Variants in DOCK8 observed in about 807,000 individuals in gnomAD.
The protein encoded by DOCK8 is dedicator of cytokinesis 8, also known as dedicator of cytokinesis protein 8.
In DOCK8, 141 loss-of-function variants were observed where a neutral mutation model predicts 245.6. The observed-to-expected ratio is 0.57, with a 90% confidence interval of 0.50 to 0.66. The LOEUF is 0.66. Ranked by LOEUF, DOCK8 falls within the 30% of genes least tolerant of loss-of-function variation. DOCK8 has a pLI of 0.00. For synonymous variants in DOCK8, 1,168 were observed against 970.2 expected (o/e 1.20, Z -3.79); for missense variants, 2,965 against 2,603.4 (o/e 1.14, Z -3.02).
chr9:347,920 C>T (rs2051983610), intron 14 of DOCK8, among the ~76,000 whole-genome samples: 1 of 152,204 alleles, frequency 6.6e-6, no homozygotes, highest in South Asian at 2.1e-4. Context: ...TAGATTCAGA[C>T]ACACGACTAC....
intron 14 of DOCK8, among the ~76,000 whole-genome samples, chr9:362,511 C>T (rs535929678): frequency 1.4e-4 from 22 of 152,344 alleles, no homozygotes; most frequent in African/African-American, 5.3e-4. Flanking sequence ...CCCTGTAGGT[C>T]ATCCCTGCAA....
intron 46 of DOCK8, among the ~76,000 whole-genome samples, chr9:461,968 CTT>C (rs375510970): frequency 7.0e-6 from 1 of 143,866 alleles, no homozygotes; most frequent in Admixed American, 6.9e-5. Context: ...TATTTATTTT[CTT>C]TTTTTTTTTC....
chr9:399,433 A>T (rs896588514), intron 26 of DOCK8, among the ~76,000 whole-genome samples, 174 bp downstream of exon 26: 1 of 152,084 alleles, frequency 6.6e-6, no homozygotes, highest in Non-Finnish European at 1.5e-5. Context: ...TTCCTCAGAC[A>T]TGCTGGTTTA....
At chr9:463,396 T>A in intron 46 of DOCK8, 121 bp from the exon 47 acceptor site, 1 of 1,195,332 alleles carries the variant, frequency 8.4e-7, no homozygotes, top group Admixed American at 2.0e-5. Flanking sequence ...GATCCCGATA[T>A]GCCACCCAGT....
intron 1 of DOCK8, among the ~76,000 whole-genome samples, chr9:226,995 T>C (rs1467574037): frequency 1.3e-5 from 2 of 152,184 alleles, no homozygotes; most frequent in African/African-American, 4.8e-5. Context: ...TCTGCAGAGA[T>C]AAATGATCAA....
At chr9:428,520 T>C in intron 35 of DOCK8, 24 bp downstream of exon 35, 1 of 1,613,854 alleles carries the variant, frequency 6.2e-7, no homozygotes, top group South Asian at 1.1e-5. Flanking sequence ...GCTTGTTTTC[T>C]TCCTCTTAAT....
intron 46 of DOCK8, chr9:456,056 A>C (rs528237345): frequency 6.6e-6 from 1 of 152,330 alleles, no homozygotes; most frequent in South Asian, 2.1e-4. Context: ...GTGCAAACAC[A>C]ACAGATGGCC....
chr9:440,611 G>A (rs1339957456), intron 40 of DOCK8, among the ~76,000 whole-genome samples: 1 of 152,124 alleles, frequency 6.6e-6, no homozygotes, highest in Admixed American at 6.5e-5. Flanking sequence ...CTCTTTGGAG[G>A]CATACATTTA....
intron 3 of DOCK8, among the ~76,000 whole-genome samples, chr9:288,809 A>C (rs746295744): frequency 1.3e-5 from 2 of 152,230 alleles, no homozygotes; most frequent in Non-Finnish European, 2.9e-5. Flanking sequence ...ATTTTATCTA[A>C]TACTAACAGC....
At chr9:352,039 G>A (rs764967696) in intron 14 of DOCK8, among the ~76,000 whole-genome samples, 2 of 152,188 alleles carry the variant, frequency 1.3e-5, no homozygotes, top group Non-Finnish European at 2.9e-5. Flanking sequence ...TTTGGAGAAG[G>A]AAGTGGAGAA....
rs1398043688 is a variant in DOCK8 at position 421,086 on chromosome 9, G to T, written c.4153+8G>T. On this transcript the variant is annotated splice_region_variant and intron_variant, in intron 32 of 47. Coordinates refer to ENST00000432829, the MANE Select transcript of DOCK8 (RefSeq NM_203447.4). ...TGCGCCGCCGGGCTCCAGGTGTGTT[G>T]GACTGGCCCTTCCCTGCTCTCTGTC... 6.2e-7 allele frequency: 1 copy of T among 1,613,884 alleles called. No homozygotes were observed. Among genetic ancestry groups the T allele is most frequent in the Admixed American group, 1.7e-5 (1 of 60,026 alleles).
chr9:215,278 G>T, intron 1 of DOCK8: 1 of 1,608,218 alleles, frequency 6.2e-7, no homozygotes. Flanking sequence ...CAGCCGCCGG[G>T]GATCCCTTCC....
intron 5 of DOCK8, among the ~76,000 whole-genome samples, chr9:305,339 G>C (rs893040976): frequency 2.6e-5 from 4 of 151,470 alleles, no homozygotes; most frequent in Non-Finnish European, 4.4e-5. Context: ...CTGGACTGCA[G>C]TGGCACGATC....
At chr9:278,142 C>T (rs543619076) in intron 2 of DOCK8, among the ~76,000 whole-genome samples, 3 of 151,778 alleles carry the variant, frequency 2.0e-5, no homozygotes, top group Admixed American at 2.0e-4. Context: ...AGGCATTCTG[C>T]ACACAGAGCA....
At chr9:382,743 A>T in intron 22 of DOCK8, 58 bp downstream of exon 22, 2 of 1,589,672 alleles carry the variant, frequency 1.3e-6, no homozygotes, top group Non-Finnish European at 8.6e-7. Context: ...TTTAACTAAA[A>T]CTTGGAGAAG....
At chr9:357,829 A>G (rs1051400700) in intron 14 of DOCK8, among the ~76,000 whole-genome samples, 2 of 152,110 alleles carry the variant, frequency 1.3e-5, no homozygotes, top group Non-Finnish European at 2.9e-5. Context: ...AACATGTTTT[A>G]CCTTCCATTT....
chr9:404,677 C>T (rs1045758150), intron 26 of DOCK8, among the ~76,000 whole-genome samples: 2 of 152,124 alleles, frequency 1.3e-5, no homozygotes, highest in Non-Finnish European at 2.9e-5. Context: ...AAGTGGAAAT[C>T]GGGATAAGAA....
chr9:325,252 C>G (rs1207732342), intron 7 of DOCK8, among the ~76,000 whole-genome samples: 1 of 152,188 alleles, frequency 6.6e-6, no homozygotes, highest in African/African-American at 2.4e-5. Flanking sequence ...GGTTCCATAT[C>G]TTTGCAGTTG....
intron 30 of DOCK8, 152 bp from the exon 31 acceptor site, chr9:420,249 C>G (rs2056218560): frequency 1.2e-6 from 1 of 854,082 alleles, no homozygotes; most frequent in Non-Finnish European, 1.9e-6. Flanking sequence ...GGCAGGGCTA[C>G]TGGCAATAGA....
Sources: allele counts gnomAD v4.1 joint callset (sites outside exome capture counted in the v4.1 genomes callset), GRCh38; gene constraint gnomAD v4.1.1; transcripts MANE v1.5; gene names NCBI Gene and HGNC (gene_info 2026-07-23, HGNC 2026-07-21).